Variants in RGS7 observed in about 807,000 individuals in gnomAD.
RGS7 encodes regulator of G-protein signaling 7.
RGS7 carries 27 observed loss-of-function variants against 81.1 expected under a neutral mutation model. The observed-to-expected ratio is 0.33, with a 90% CI of 0.25 to 0.46. RGS7 has a LOEUF of 0.46. Among genes scored for constraint, RGS7 ranks in the 20% least tolerant of loss-of-function variants. The pLI, the probability that RGS7 is intolerant of heterozygous loss-of-function variation, is 1.00. For synonymous variants in RGS7, 208 were observed against 207.7 expected (o/e 1.00, Z -0.01); for missense variants, 396 against 607.4 (o/e 0.65, Z 3.66).
chr1:241,337,777 G>A (rs1320739268), intron 2 of RGS7, among the ~76,000 whole-genome samples: 1 of 152,090 alleles, frequency 6.6e-6, no homozygotes, highest in Non-Finnish European at 1.5e-5. Context: ...CATAACTCAG[G>A]CAACTCAGTA....
At chr1:241,345,887 G>A (rs2082865711) in intron 2 of RGS7, among the ~76,000 whole-genome samples, 5 of 148,730 alleles carry the variant, frequency 3.4e-5, no homozygotes, top group South Asian at 4.4e-4. Flanking sequence ...ATGGTGGTGC[G>A]CGCCTGTAAC....
At chr1:240,967,535 C>G (rs1006398990) in intron 4 of RGS7, among the ~76,000 whole-genome samples, 2 of 145,396 alleles carry the variant, frequency 1.4e-5, no homozygotes, top group Non-Finnish European at 3.0e-5. Context: ...AAGCAGTGCC[C>G]TTGGCTAGGG....
At chr1:241,026,727 A>G (rs1468419710) in intron 3 of RGS7, among the ~76,000 whole-genome samples, 1 of 152,124 alleles carries the variant, frequency 6.6e-6, no homozygotes, top group African/African-American at 2.4e-5. Context: ...AACCTTGAGC[A>G]ATGCATAAAT....
chr1:240,870,143 T>C, intron 6 of RGS7, 24 bp from the exon 7 acceptor site: 2 of 1,609,014 alleles, frequency 1.2e-6, no homozygotes, highest in Non-Finnish European at 1.7e-6. Flanking sequence ...CAATCATTTC[T>C]TGCCTGCTTA....
intron 10 of RGS7, among the ~76,000 whole-genome samples, chr1:240,819,242 G>T (rs1209194684): frequency 6.6e-6 from 1 of 151,918 alleles, no homozygotes; most frequent in African/African-American, 2.4e-5. Flanking sequence ...ATAATCTACA[G>T]GTCATATAAA....
chr1:240,937,518 G>T (rs1676847927), intron 4 of RGS7, among the ~76,000 whole-genome samples: 1 of 152,192 alleles, frequency 6.6e-6, no homozygotes. Context: ...TCCATGAGAA[G>T]ATAAAGTTAA....
intron 2 of RGS7, among the ~76,000 whole-genome samples, chr1:241,345,233 G>A (rs1446339409): frequency 2.6e-5 from 4 of 152,170 alleles, no homozygotes; most frequent in Admixed American, 6.5e-5. Context: ...GAGGCCTATC[G>A]GAGGGTGGAG....
At chr1:241,130,534 T>C (rs1370084693) in intron 2 of RGS7, among the ~76,000 whole-genome samples, 1 of 152,112 alleles carries the variant, frequency 6.6e-6, no homozygotes, top group Non-Finnish European at 1.5e-5. Flanking sequence ...AGCTTTCAAT[T>C]GTCCATGTCT....
At chr1:240,998,810 G>A (rs1019717069) in intron 3 of RGS7, 11 of 632,864 alleles carry the variant, frequency 1.7e-5, no homozygotes, top group African/African-American at 1.6e-4. Context: ...GGGTGAGTGT[G>A]GGGCTGGCGC....
chr1:241,336,642 A>T (rs2148677862), intron 2 of RGS7, among the ~76,000 whole-genome samples: 1 of 152,330 alleles, frequency 6.6e-6, no homozygotes, highest in Admixed American at 6.5e-5. Flanking sequence ...CCCATTCCAG[A>T]AACTCTTTTC....
At chr1:240,820,718 C>T (rs908277817) in intron 10 of RGS7, among the ~76,000 whole-genome samples, 2 of 152,036 alleles carry the variant, frequency 1.3e-5, no homozygotes, top group African/African-American at 2.4e-5. Context: ...AGTGAGCTCG[C>T]GAAAGATATT....
intron 2 of RGS7, among the ~76,000 whole-genome samples, chr1:241,181,985 C>T (rs2103315497): frequency 6.6e-6 from 1 of 152,340 alleles, no homozygotes; most frequent in Non-Finnish European, 1.5e-5. Flanking sequence ...GTGAGCCATT[C>T]CTGGCCTGCT....
At chr1:240,918,363 C>T (rs1055049164) in intron 6 of RGS7, among the ~76,000 whole-genome samples, 3 of 152,020 alleles carry the variant, frequency 2.0e-5, no homozygotes, top group African/African-American at 7.2e-5. Flanking sequence ...ATAAGACACA[C>T]CTTAAAAATG....
At chr1:241,171,061 C>T (rs1284291615) in intron 2 of RGS7, among the ~76,000 whole-genome samples, 1 of 152,132 alleles carries the variant, frequency 6.6e-6, no homozygotes, top group Non-Finnish European at 1.5e-5. Context: ...CTTTGCTGCA[C>T]ACTTTGTGAT....
chr1:240,793,931 G>A lies in RGS7; in HGVS notation c.*6+6710C>T, dbSNP rs4330907. Among the ~76,000 whole-genome samples the A allele has an allele frequency of 8.9e-3, 1,358 of 151,960 alleles. 17 individuals are homozygous for A. Among genetic ancestry groups the A allele is most frequent in the African/African-American group, 0.031 (1,278 of 41,468 alleles). On this transcript the variant is annotated intron_variant, in intron 18 of 18. Transcript: ENST00000440928. ...CCAGCCATAGTAGGAATTTTTAAGC[G>A]TAGTTTACCTATATTAGTGTATCTA...
chr1:240,841,324 C>G (rs1657948206), intron 9 of RGS7, among the ~76,000 whole-genome samples: 1 of 152,188 alleles, frequency 6.6e-6, no homozygotes, highest in Admixed American at 6.5e-5. Context: ...CGGTTCCCAT[C>G]TTGACCTACA....
chr1:241,189,510 G>A (rs1573046134), intron 2 of RGS7, among the ~76,000 whole-genome samples: 1 of 152,206 alleles, frequency 6.6e-6, no homozygotes, highest in African/African-American at 2.4e-5. Flanking sequence ...CAGGGCAAAA[G>A]GTTTTAATTT....
intron 2 of RGS7, among the ~76,000 whole-genome samples, chr1:241,331,207 A>G (rs1258598047): frequency 6.6e-6 from 1 of 152,180 alleles, no homozygotes; most frequent in Non-Finnish European, 1.5e-5. Flanking sequence ...TGTGCTGCTG[A>G]TTATTGAACT....
chr1:240,964,319 G>T (rs1415013293), intron 4 of RGS7, among the ~76,000 whole-genome samples: 1 of 152,168 alleles, frequency 6.6e-6, no homozygotes, highest in Non-Finnish European at 1.5e-5. Flanking sequence ...ATTACAGAAA[G>T]GATTGCCAGG....
Sources: allele counts gnomAD v4.1 joint callset (sites outside exome capture counted in the v4.1 genomes callset), GRCh38; gene constraint gnomAD v4.1.1; transcripts MANE v1.5; gene names NCBI Gene and HGNC (gene_info 2026-07-23, HGNC 2026-07-21).